Variants in FGF14 observed in about 807,000 individuals in gnomAD.
FGF14 encodes fibroblast growth factor 14, also known as fibroblast growth factor homologous factor 4.
In FGF14, 5 loss-of-function variants were observed where a neutral mutation model predicts 25.5. That is an observed-to-expected ratio of 0.20 (90% confidence interval 0.10 to 0.41). FGF14 has a LOEUF of 0.41. Among genes scored for constraint, FGF14 ranks in the 10% least tolerant of loss-of-function variants. FGF14 has a pLI of 1.00. For synonymous variants in FGF14, 138 were observed against 118.3 expected (o/e 1.17, Z -1.08); for missense variants, 222 against 320.1 (o/e 0.69, Z 2.34).
At chr13:101,918,769 A>T (rs551859687), upstream of FGF14, among the ~76,000 whole-genome samples, 2 of 152,208 alleles carry the variant, frequency 1.3e-5, no homozygotes, top group South Asian at 2.1e-4. Context: ...ACCTGATGAG[A>T]GTGTGTAGAT....
At chr13:102,284,668 G>A (rs17633102) in intron 1 of FGF14, among the ~76,000 whole-genome samples, 23,607 of 151,994 alleles carry the variant, frequency 0.16, 1,995 homozygotes, top group East Asian at 0.39. Flanking sequence ...AAAGCCATCT[G>A]AGTTCGACAG....
chr13:101,722,462 T>A lies in FGF14; in HGVS notation c.*369A>T, dbSNP rs2035058657. 1 of 334,630 alleles carries A rather than the reference T, an allele frequency of 3.0e-6. No homozygotes were observed. The highest frequency in any genetic ancestry group is 7.6e-5 in the East Asian group (1 of 13,222). The allele number at this position is 334,630 out of a possible 1,614,324, so 20.7% of individuals were successfully genotyped here. On this transcript the variant is annotated 3_prime_UTR_variant, in exon 5 of 5. Coordinates refer to ENST00000376143, the MANE Select transcript of FGF14 (RefSeq NM_004115.4). ...TGCTACAAAATTGAACTTAAACACATAGATTTCGCTGAAACAGGACTCAAA... is the reference window on the plus strand; with the variant it reads ...TGCTACAAAATTGAACTTAAACACAAAGATTTCGCTGAAACAGGACTCAAA...
chr13:102,019,385 C>T (rs1189185995), intron 1 of FGF14, among the ~76,000 whole-genome samples: 3 of 152,124 alleles, frequency 2.0e-5, no homozygotes, highest in Non-Finnish European at 4.4e-5. Flanking sequence ...CCTCCCTCTA[C>T]TAGTGAAGAC....
At chr13:101,824,544 AC>A (rs2082442030) in intron 3 of FGF14, among the ~76,000 whole-genome samples, 1 of 152,176 alleles carries the variant, frequency 6.6e-6, no homozygotes, top group South Asian at 2.1e-4. Flanking sequence ...TGGTATTAAA[AC>A]TAAAATGAAG....
intron 1 of FGF14, among the ~76,000 whole-genome samples, chr13:102,314,189 T>C (rs2055908614): frequency 6.6e-6 from 1 of 152,188 alleles, no homozygotes; most frequent in Admixed American, 6.6e-5. Context: ...TTTATTGAAG[T>C]CAGTTAGCAA....
At chr13:102,048,738 C>T (rs768925146) in intron 1 of FGF14, among the ~76,000 whole-genome samples, 13 of 152,172 alleles carry the variant, frequency 8.5e-5, no homozygotes, top group African/African-American at 1.9e-4. Flanking sequence ...TGACATTGAC[C>T]TTTGGAAACT....
At chr13:102,249,703 T>A (rs537816768) in intron 1 of FGF14, among the ~76,000 whole-genome samples, 2 of 152,316 alleles carry the variant, frequency 1.3e-5, no homozygotes, top group South Asian at 4.1e-4. Flanking sequence ...ACCAATCTGG[T>A]GGTCCTCAGA....
chr13:102,266,218 G>T (rs2052984613), intron 1 of FGF14, among the ~76,000 whole-genome samples: 1 of 152,116 alleles, frequency 6.6e-6, no homozygotes, highest in African/African-American at 2.4e-5. Flanking sequence ...AGTAGAAGAG[G>T]CTGACTAAAG....
At chr13:101,741,218 C>T (rs2036532856) in intron 3 of FGF14, among the ~76,000 whole-genome samples, 1 of 152,256 alleles carries the variant, frequency 6.6e-6, no homozygotes, top group East Asian at 1.9e-4. Flanking sequence ...TGCCTATAAT[C>T]CCAGCTATAT....
At chr13:102,354,606 G>A (rs2057373155) in intron 1 of FGF14, among the ~76,000 whole-genome samples, 1 of 152,104 alleles carries the variant, frequency 6.6e-6, no homozygotes, top group African/African-American at 2.4e-5. Flanking sequence ...ATCATCTTGA[G>A]GCCCACAAAG....
chr13:101,891,314 A>G (rs2046256360), intron 1 of FGF14, among the ~76,000 whole-genome samples: 1 of 152,144 alleles, frequency 6.6e-6, no homozygotes, highest in Non-Finnish European at 1.5e-5. Flanking sequence ...ATATAACCCA[A>G]TTCCAGATGT....
At chr13:102,110,842 C>T (rs2045189054) in intron 1 of FGF14, among the ~76,000 whole-genome samples, 1 of 152,072 alleles carries the variant, frequency 6.6e-6, no homozygotes, top group Non-Finnish European at 1.5e-5. Context: ...TTTTGCCTCT[C>T]CTGCCTCATT....
At chr13:102,236,783 C>T (rs912508714) in intron 1 of FGF14, among the ~76,000 whole-genome samples, 14 of 152,290 alleles carry the variant, frequency 9.2e-5, no homozygotes, top group Admixed American at 6.5e-4. Flanking sequence ...AGTAAGTCCA[C>T]ATGGACATAG....
chr13:102,180,210 C>G, intron 1 of FGF14, among the ~76,000 whole-genome samples: 1 of 152,184 alleles, frequency 6.6e-6, no homozygotes, highest in South Asian at 2.1e-4. Context: ...ATTCTGTTGA[C>G]AGTATGAATG....
chr13:102,298,361 T>G (rs1468325499), intron 1 of FGF14, among the ~76,000 whole-genome samples: 2 of 152,156 alleles, frequency 1.3e-5, no homozygotes, highest in East Asian at 3.9e-4. Context: ...GAATGAGCAT[T>G]TATATATTTA....
intron 1 of FGF14, among the ~76,000 whole-genome samples, chr13:102,041,599 G>C (rs998132770): frequency 7.3e-6 from 1 of 136,450 alleles, no homozygotes; most frequent in Non-Finnish European, 1.6e-5. Context: ...AAAAAAAAGA[G>C]AGATTTTATT....
Position 102,287,128 on chromosome 13 carries a change from A to T in FGF14, c.208+114343T>A, listed in dbSNP as rs138837964. Among the ~76,000 whole-genome samples, 577 of 150,894 alleles carry T rather than the reference A, an allele frequency of 3.8e-3. 1 individual carries two copies. Among genetic ancestry groups the T allele is most frequent in the Non-Finnish European group, 6.0e-3 (407 of 67,794 alleles). On this transcript the variant is annotated intron_variant, in intron 1 of 4. Transcript: ENST00000376131. ...TGTACCCTAGAACTTAAAGTACAAT[A>T]AAAAAAAAGAACAAACAGAAAACAA...
intron 3 of FGF14, among the ~76,000 whole-genome samples, chr13:101,738,330 A>C (rs1442666712): frequency 6.6e-6 from 1 of 152,196 alleles, no homozygotes; most frequent in Non-Finnish European, 1.5e-5. Context: ...CACCAAATAA[A>C]TCATCTTACT....
At chr13:102,378,627 C>CTATATA (rs1268202617) in intron 1 of FGF14, among the ~76,000 whole-genome samples, 3 of 132,650 alleles carry the variant, frequency 2.3e-5, no homozygotes, top group African/African-American at 5.7e-5. Context: ...ATCTATCTAT[C>CTATATA]TATCTATATA....
Sources: allele counts gnomAD v4.1 joint callset (sites outside exome capture counted in the v4.1 genomes callset), GRCh38; gene constraint gnomAD v4.1.1; transcripts MANE v1.5; gene names NCBI Gene and HGNC (gene_info 2026-07-23, HGNC 2026-07-21).